Variants in SGCZ observed in about 807,000 individuals in gnomAD.
SGCZ encodes sarcoglycan zeta.
A neutral mutation model predicts 41.3 loss-of-function variants in SGCZ; 40 were observed. That is an observed-to-expected ratio of 0.97 (90% CI 0.75 to 1.26). The LOEUF is 1.26. Ranked by LOEUF, SGCZ falls within the 50% of genes most tolerant of loss-of-function variation. The pLI is 0.00. For synonymous variants in SGCZ, 206 were observed against 137.5 expected, an observed-to-expected ratio of 1.50 and a Z score of -3.49; for missense variants, 552 against 369.8, an observed-to-expected ratio of 1.49 and a Z score of -4.04.
intron 1 of SGCZ, among the ~76,000 whole-genome samples, chr8:15,236,444 G>C (rs1802122240): frequency 1.3e-5 from 2 of 151,640 alleles, no homozygotes; most frequent in South Asian, 4.2e-4. Context: ...GCGGGTGGGG[G>C]GGTGCCTAAA....
intron 2 of SGCZ, among the ~76,000 whole-genome samples, chr8:14,389,392 T>A (rs1431404821): frequency 7.1e-6 from 1 of 141,800 alleles, no homozygotes; most frequent in Non-Finnish European, 1.5e-5. Flanking sequence ...AAGTAGAAAA[T>A]AATATAAGCA....
At chr8:14,797,385 G>A (rs370483929) in intron 1 of SGCZ, among the ~76,000 whole-genome samples, 4 of 152,144 alleles carry the variant, frequency 2.6e-5, no homozygotes, top group Admixed American at 2.0e-4. Context: ...GGAGCAAAGA[G>A]GACACTTGTT....
chr8:14,383,768 G>C (rs916274932), intron 2 of SGCZ, among the ~76,000 whole-genome samples: 1 of 152,106 alleles, frequency 6.6e-6, no homozygotes, highest in Non-Finnish European at 1.5e-5. Flanking sequence ...ATTTAGTGAG[G>C]TTGTAAGATC....
chr8:14,177,291 G>A (rs1251901480), intron 4 of SGCZ, among the ~76,000 whole-genome samples: 1 of 152,156 alleles, frequency 6.6e-6, no homozygotes, highest in East Asian at 1.9e-4. Flanking sequence ...GCTACTGAGA[G>A]CAGGGAAGGG....
At chr8:15,168,960 T>A (rs1392540917) in intron 1 of SGCZ, among the ~76,000 whole-genome samples, 2 of 152,216 alleles carry the variant, frequency 1.3e-5, no homozygotes, top group African/African-American at 4.8e-5. Context: ...CCCACTCCTG[T>A]GTAAACTGGT....
intron 2 of SGCZ, among the ~76,000 whole-genome samples, chr8:14,516,386 G>A (rs1471747062): frequency 1.3e-5 from 2 of 151,810 alleles, no homozygotes; most frequent in Non-Finnish European, 2.9e-5. Flanking sequence ...TTACAAGGGG[G>A]ATACCTATAT....
intron 1 of SGCZ, among the ~76,000 whole-genome samples, chr8:14,564,081 T>C (rs764809987): frequency 6.6e-6 from 1 of 152,156 alleles, no homozygotes; most frequent in Non-Finnish European, 1.5e-5. Flanking sequence ...ATGGGAAATA[T>C]GAATATAAAA....
chr8:15,061,789 T>C (rs944793635), intron 1 of SGCZ, among the ~76,000 whole-genome samples: 1 of 152,094 alleles, frequency 6.6e-6, no homozygotes, highest in Non-Finnish European at 1.5e-5. Flanking sequence ...ATTTCTATCA[T>C]TTATAAACTA....
intron 1 of SGCZ, among the ~76,000 whole-genome samples, chr8:14,960,018 C>T (rs923460450): frequency 6.6e-6 from 1 of 152,176 alleles, no homozygotes; most frequent in Non-Finnish European, 1.5e-5. Context: ...TCTAGTTTTA[C>T]TTTGCTGCCA....
At chr8:14,195,497 G>C (rs376375622) in intron 4 of SGCZ, among the ~76,000 whole-genome samples, 14 of 152,048 alleles carry the variant, frequency 9.2e-5, no homozygotes, top group African/African-American at 3.4e-4. Context: ...AAAATAATTG[G>C]AGAAATGATG....
chr8:14,291,761 A>G (rs768210471), intron 3 of SGCZ, among the ~76,000 whole-genome samples: 1 of 151,982 alleles, frequency 6.6e-6, no homozygotes, highest in Non-Finnish European at 1.5e-5. Context: ...ACACTTTTCT[A>G]TTCCTCTCTT....
intron 1 of SGCZ, among the ~76,000 whole-genome samples, chr8:14,833,701 G>C (rs1318425977): frequency 6.6e-6 from 1 of 152,152 alleles, no homozygotes; most frequent in African/African-American, 2.4e-5. Context: ...CTATTTTTCT[G>C]CTATAGGAAG....
chr8:14,145,425 A>ACCCAAGT (rs749279577), intron 5 of SGCZ, among the ~76,000 whole-genome samples: 4 of 152,130 alleles, frequency 2.6e-5, no homozygotes, highest in Non-Finnish European at 5.9e-5. Context: ...AGATCACAAC[A>ACCCAAGT]CCCAAGTCCT....
intron 2 of SGCZ, among the ~76,000 whole-genome samples, chr8:14,420,923 G>T (rs555006445): frequency 5.9e-5 from 9 of 152,222 alleles, no homozygotes; most frequent in African/African-American, 2.2e-4. Flanking sequence ...ATGGCCTGTA[G>T]ATGTTCCTGA....
At chr8:14,310,934 GT>G in intron 3 of SGCZ, among the ~76,000 whole-genome samples, 1 of 152,162 alleles carries the variant, frequency 6.6e-6, no homozygotes, top group South Asian at 2.1e-4. Context: ...AAATATCCAT[GT>G]CTGTGTACCC....
intron 5 of SGCZ, among the ~76,000 whole-genome samples, chr8:14,138,694 G>A (rs191487182): frequency 6.6e-6 from 1 of 152,218 alleles, no homozygotes; most frequent in East Asian, 1.9e-4. Flanking sequence ...CATAAAGCAA[G>A]TTCTTACACA....
At chr8:14,316,251 G>A (rs142424923) in intron 3 of SGCZ, among the ~76,000 whole-genome samples, 1 of 151,998 alleles carries the variant, frequency 6.6e-6, no homozygotes, top group Admixed American at 6.6e-5. Context: ...AAAAAACCTA[G>A]AACTGAGCAT....
chr8:15,141,293 C>A (rs79269650), intron 1 of SGCZ, among the ~76,000 whole-genome samples: 6,666 of 152,282 alleles, frequency 0.044, 479 homozygotes, highest in African/African-American at 0.15. Flanking sequence ...GATACAACTT[C>A]TTTTTCCTGG....
chr8:15,030,177 A>G (rs1803607809), intron 1 of SGCZ, among the ~76,000 whole-genome samples: 1 of 152,138 alleles, frequency 6.6e-6, no homozygotes, highest in Non-Finnish European at 1.5e-5. Context: ...ATCCCCTTAA[A>G]GGGCGCTGAA....
Sources: gnomAD v4.1 joint callset for allele counts (sites outside exome capture counted in the v4.1 genomes callset) on GRCh38, gnomAD v4.1.1 for gene constraint, MANE v1.5 for transcripts, NCBI Gene and HGNC (gene_info 2026-07-23, HGNC 2026-07-21) for gene names.